Variants in TAB2 observed in about 807,000 individuals in gnomAD.
TAB2 encodes the protein TGF-beta activated kinase 1 (MAP3K7) binding protein 2.
Under a neutral mutation model 65.0 loss-of-function variants are expected in TAB2, and 3 were observed. The ratio of observed to expected loss-of-function variants is 0.05; its 90% CI spans 0.02 to 0.12. The LOEUF is 0.12. Ranked by LOEUF, TAB2 falls within the 10% of genes least tolerant of loss-of-function variation. The pLI, the probability that TAB2 is intolerant of heterozygous loss-of-function variation, is 1.00. For synonymous variants in TAB2, 298 were observed against 285.1 expected (o/e 1.05, Z -0.46); for missense variants, 623 against 840.3 (o/e 0.74, Z 3.20).
chr6:149,316,248 A>G (rs940311160), upstream of TAB2, among the ~76,000 whole-genome samples: 16 of 152,242 alleles, frequency 1.1e-4, no homozygotes, highest in East Asian at 3.8e-4. Context: ...ATTGTAAATC[A>G]TAAGTACTTT....
At chr6:149,316,822 A>G (rs1779264187), upstream of TAB2, among the ~76,000 whole-genome samples, 1 of 152,104 alleles carries the variant, frequency 6.6e-6, no homozygotes, top group Non-Finnish European at 1.5e-5. Flanking sequence ...ACTGCTCAAG[A>G]AAAGTCAGAA....
At chr6:149,318,785 G>C (rs1193735422) in intron 1 of TAB2, 1 of 152,252 alleles carries the variant, frequency 6.6e-6, no homozygotes, top group African/African-American at 2.4e-5. Flanking sequence ...GAGACCGTGT[G>C]AGTTTGTATT....
At chr6:149,268,616 T>G (rs971555306) in intron 1 of TAB2, among the ~76,000 whole-genome samples, 2 of 152,218 alleles carry the variant, frequency 1.3e-5, no homozygotes, top group African/African-American at 4.8e-5. Context: ...CACCTTAAAA[T>G]AATAACACGA....
chr6:149,262,294 A>T (rs537172081), intron 1 of TAB2, among the ~76,000 whole-genome samples: 27 of 152,320 alleles, frequency 1.8e-4, no homozygotes, highest in Non-Finnish European at 2.9e-4. Context: ...ACACTTTGGG[A>T]GGCCCTGGCG....
rs563491478 is a variant in TAB2, at chr6:149,369,876, T to C, written c.-89-33T>C. 172 of 774,060 alleles carry C rather than the reference T, an allele frequency of 2.2e-4. 3 individuals carry two copies. In the East Asian group the frequency reaches 4.4e-3, roughly 20 times the overall value. The allele number at this position is 774,060 out of a possible 1,614,324, so 47.9% of individuals were successfully genotyped here. On this transcript the variant is annotated intron_variant, in intron 1 of 6. Coordinates refer to ENST00000637181, the MANE Select transcript of TAB2 (RefSeq NM_001292034.3). ...ACAACAATATTCCTTCTATAATCAG[T>C]TCTCATTAAAATTTTTTTTCTTTCT...
chr6:149,381,514 A>G (rs73779330), intron 3 of TAB2, among the ~76,000 whole-genome samples: 4,983 of 151,726 alleles, frequency 0.033, 284 homozygotes, highest in African/African-American at 0.12. Flanking sequence ...ATGTTTAACT[A>G]GAATGTGAAA....
Position 149,399,056 on chromosome 6 carries a change from T to A in TAB2, c.1859-48T>A, listed in dbSNP as rs12665296. 0.034 allele frequency: 49,688 copies of A among 1,473,820 alleles called. 1,088 individuals carry two copies. Among genetic ancestry groups the A allele is most frequent in the South Asian group, 0.066 (5,700 of 86,928 alleles). 91.3% of individuals were successfully genotyped at this position (1,473,820 alleles called of 1,614,324 possible). A position where few individuals can be genotyped will look rare whatever the true frequency, so the allele number is the denominator to read the frequency against. The stretch of plus-strand genomic sequence containing the variant: ...AAATACTTGTTTTAAAAAGTAAAGT[T>A]GTTTTTGAGCTATAAGCATTGATAT... On this transcript the variant is annotated intron_variant, in intron 5 of 6. Transcript: ENST00000637181.
chr6:149,386,438 C>T (rs550508507), intron 3 of TAB2, among the ~76,000 whole-genome samples: 16 of 143,822 alleles, frequency 1.1e-4, no homozygotes, highest in Non-Finnish European at 2.2e-4. Flanking sequence ...TAAGCTATCA[C>T]CTCCCTATCC....
At chr6:149,302,011 A>G (rs956740175) in intron 1 of TAB2, among the ~76,000 whole-genome samples, 1 of 152,136 alleles carries the variant, frequency 6.6e-6, no homozygotes, top group Non-Finnish European at 1.5e-5. Context: ...ATCCAAGCAG[A>G]AAATCACTTC....
intron 1 of TAB2, among the ~76,000 whole-genome samples, chr6:149,270,499 T>C (rs1048146900): frequency 6.6e-6 from 1 of 151,974 alleles, no homozygotes; most frequent in African/African-American, 2.4e-5. Context: ...GCTAAGAGAG[T>C]AGATTTTAAG....
intron 1 of TAB2, among the ~76,000 whole-genome samples, chr6:149,231,450 C>T (rs1171923298): frequency 1.3e-5 from 2 of 152,200 alleles, no homozygotes; most frequent in South Asian, 2.1e-4. Context: ...AGGAAGCAAT[C>T]ATTTGTTTAA....
chr6:149,317,416 C>G (rs1230394758), upstream of TAB2: 2 of 62,324 alleles, frequency 3.2e-5, no homozygotes, highest in Non-Finnish European at 6.0e-5. This position sits in a 1 kb window ranked among gnomAD's most constrained non-coding sequence, Gnocchi z 4.7. Context: ...GCCGCAGCCG[C>G]AGCCGCCGCC....
chr6:149,303,932 A>C (rs1257233669), intron 1 of TAB2, among the ~76,000 whole-genome samples: 1 of 152,244 alleles, frequency 6.6e-6, no homozygotes, highest in East Asian at 1.9e-4. Flanking sequence ...AAGGTTCAAA[A>C]GATGAAAAGA....
intron 1 of TAB2, among the ~76,000 whole-genome samples, chr6:149,361,747 A>G (rs1345196561): frequency 6.6e-6 from 1 of 152,114 alleles, no homozygotes; most frequent in Non-Finnish European, 1.5e-5. Flanking sequence ...TTTAAATATA[A>G]CTTCCAACAT....
intron 1 of TAB2, among the ~76,000 whole-genome samples, chr6:149,292,243 A>T (rs1034662093): frequency 2.4e-4 from 36 of 152,214 alleles, no homozygotes; most frequent in Non-Finnish European, 4.1e-4. Flanking sequence ...TGCTCTGTAA[A>T]GAGTAAATGG....
At chr6:149,235,378 C>T (rs907364986) in intron 1 of TAB2, among the ~76,000 whole-genome samples, 1 of 152,186 alleles carries the variant, frequency 6.6e-6, no homozygotes, top group Non-Finnish European at 1.5e-5. Context: ...GAAGAGCAAT[C>T]TTGGGAGGAA....
intron 1 of TAB2, chr6:149,244,245 T>A (rs532927876): frequency 1.3e-5 from 2 of 152,318 alleles, no homozygotes; most frequent in East Asian, 3.9e-4. Context: ...TTCCACCCCT[T>A]CAACTGAGCC....
chr6:149,409,500 A>G, intron 6 of TAB2, 77 bp from the exon 7 acceptor site: 1 of 1,350,582 alleles, frequency 7.4e-7, no homozygotes, highest in Middle Eastern at 2.2e-4. Context: ...TGCACTACAA[A>G]TGGTGTTTAA....
At chr6:149,222,155 T>C (rs1777161315) in intron 1 of TAB2, among the ~76,000 whole-genome samples, 1 of 152,202 alleles carries the variant, frequency 6.6e-6, no homozygotes, top group Non-Finnish European at 1.5e-5. Flanking sequence ...CACTTCTGAT[T>C]CTCTGGCCTC....
Sources: gnomAD v4.1 joint callset for allele counts (sites outside exome capture counted in the v4.1 genomes callset) on GRCh38, gnomAD v4.1.1 for gene constraint, Gnocchi (gnomAD v3.1) non-coding constraint, MANE v1.5 for transcripts, NCBI Gene and HGNC (gene_info 2026-07-23, HGNC 2026-07-21) for gene names.